PCSK2: variants seen among roughly 807,000 people sequenced by gnomAD.
PCSK2 encodes neuroendocrine convertase 2.
A neutral mutation model predicts 69.7 loss-of-function variants in PCSK2; 14 were observed. That is an observed-to-expected ratio of 0.20 (90% CI 0.13 to 0.31). PCSK2 has a LOEUF of 0.31. Among genes scored for constraint, PCSK2 ranks in the 10% least tolerant of loss-of-function variants. The probability of loss-of-function intolerance (pLI) is 1.00; values close to 1 mark genes in which losing one functional copy is unlikely to be tolerated. For synonymous variants in PCSK2, 307 were observed against 320.7 expected (o/e 0.96, Z 0.46); for missense variants, 544 against 842.5 (o/e 0.65, Z 4.39).
intron 10 of PCSK2, chr20:17,463,442 A>G (rs1216044568): frequency 1.3e-5 from 2 of 152,168 alleles, no homozygotes; most frequent in African/African-American, 4.8e-5. Flanking sequence ...CATATGTCCA[A>G]GACATGTTCT....
intron 2 of PCSK2, among the ~76,000 whole-genome samples, chr20:17,275,542 C>G (rs573472367): frequency 6.6e-6 from 1 of 152,236 alleles, no homozygotes. Flanking sequence ...CATAGAGATT[C>G]AGGCTAGAGT....
chr20:17,314,442 G>A (rs991264898), intron 2 of PCSK2, among the ~76,000 whole-genome samples: 5 of 152,218 alleles, frequency 3.3e-5, no homozygotes, highest in Admixed American at 2.6e-4. Context: ...TATCACCCAT[G>A]TAGAAACCTC....
intron 7 of PCSK2, among the ~76,000 whole-genome samples, chr20:17,434,190 GCTCTCTCTCT>G (rs112361220): frequency 5.7e-4 from 81 of 141,658 alleles, no homozygotes; most frequent in African/African-American, 2.1e-3. Flanking sequence ...CTCTATCTAC[GCTCTCTCTCT>G]CTCTCTCTCC....
intron 4 of PCSK2, among the ~76,000 whole-genome samples, chr20:17,368,421 C>G (rs560829078): frequency 1.6e-4 from 25 of 152,318 alleles, no homozygotes; most frequent in African/African-American, 6.0e-4. Context: ...TTTGACTCCA[C>G]AGACCTACGT....
At chr20:17,404,337 G>GT (rs2031707907) in intron 5 of PCSK2, among the ~76,000 whole-genome samples, 1 of 152,188 alleles carries the variant, frequency 6.6e-6, no homozygotes, top group Non-Finnish European at 1.5e-5. Flanking sequence ...CTTATGGCAA[G>GT]TAACTGCCAC....
chr20:17,302,204 A>G (rs16998917), intron 2 of PCSK2, among the ~76,000 whole-genome samples: 11,967 of 152,124 alleles, frequency 0.079, 545 homozygotes, highest in East Asian at 0.11. Flanking sequence ...AACAGGTGAT[A>G]CTAAATTTTT....
chr20:17,378,372 C>G (rs1474325715), intron 5 of PCSK2, among the ~76,000 whole-genome samples: 1 of 152,128 alleles, frequency 6.6e-6, no homozygotes, highest in African/African-American at 2.4e-5. Flanking sequence ...CACCTAGAAG[C>G]CTAGACTTAA....
intron 1 of PCSK2, among the ~76,000 whole-genome samples, chr20:17,241,793 C>T (rs899784718): frequency 2.6e-5 from 4 of 152,122 alleles, no homozygotes; most frequent in African/African-American, 4.8e-5. Flanking sequence ...GAACAAATCC[C>T]GTAACTTAGA....
At chr20:17,342,049 T>C (rs1024893901) in intron 2 of PCSK2, among the ~76,000 whole-genome samples, 4 of 152,216 alleles carry the variant, frequency 2.6e-5, no homozygotes, top group Admixed American at 6.5e-5. Context: ...TATGAAGCAC[T>C]ATCCAGTCCC....
At chr20:17,423,365 T>G (rs1188341947) in intron 6 of PCSK2, among the ~76,000 whole-genome samples, 3 of 152,184 alleles carry the variant, frequency 2.0e-5, no homozygotes, top group Admixed American at 2.0e-4. Flanking sequence ...AAGGTGTGTC[T>G]GGGTTAAGAT....
intron 2 of PCSK2, among the ~76,000 whole-genome samples, chr20:17,339,396 T>C (rs895188634): frequency 2.0e-5 from 3 of 152,184 alleles, no homozygotes; most frequent in Non-Finnish European, 1.5e-5. Context: ...AACACAAACA[T>C]TGAGCTCATG....
chr20:17,303,203 TTATAA>T (rs937021313), intron 2 of PCSK2, among the ~76,000 whole-genome samples: 3 of 143,478 alleles, frequency 2.1e-5, no homozygotes, highest in Admixed American at 7.2e-5. Flanking sequence ...ATTTATATTA[TTATAA>T]TATAACCATA....
chr20:17,455,118 G>C (rs762465795), intron 9 of PCSK2, among the ~76,000 whole-genome samples: 1 of 152,066 alleles, frequency 6.6e-6, no homozygotes, highest in African/African-American at 2.4e-5. Flanking sequence ...ACGCCTGAAA[G>C]CTCCACTCCC....
At chr20:17,401,679 AG>A (rs113033134) in intron 5 of PCSK2, among the ~76,000 whole-genome samples, 6 of 152,228 alleles carry the variant, frequency 3.9e-5, no homozygotes, top group African/African-American at 1.4e-4. Flanking sequence ...AGTGGCAGGT[AG>A]GGGTGTGCTG....
At chr20:17,472,532 T>C (rs907928889) in intron 11 of PCSK2, among the ~76,000 whole-genome samples, 3 of 152,246 alleles carry the variant, frequency 2.0e-5, no homozygotes, top group Non-Finnish European at 2.9e-5. Context: ...ATTGTTACTA[T>C]TGTGATTATT....
intron 2 of PCSK2, among the ~76,000 whole-genome samples, chr20:17,326,604 T>C (rs1356162113): frequency 6.6e-6 from 1 of 152,230 alleles, no homozygotes; most frequent in African/African-American, 2.4e-5. Context: ...AACATTTTTA[T>C]AAATCTGAAA....
intron 1 of PCSK2, among the ~76,000 whole-genome samples, chr20:17,235,226 T>C (rs957770931): frequency 5.3e-5 from 8 of 152,144 alleles, no homozygotes; most frequent in African/African-American, 1.9e-4. Flanking sequence ...TAAAACAAGT[T>C]CTTACATTGA....
intron 6 of PCSK2, among the ~76,000 whole-genome samples, chr20:17,423,157 C>T (rs894067477): frequency 2.0e-4 from 30 of 152,050 alleles, no homozygotes; most frequent in Non-Finnish European, 4.3e-4. Context: ...AACAGGTGCC[C>T]AAGGTGGTTG....
intron 2 of PCSK2, among the ~76,000 whole-genome samples, chr20:17,325,524 T>A (rs1990018765): frequency 1.3e-5 from 2 of 152,238 alleles, no homozygotes; most frequent in African/African-American, 2.4e-5. Flanking sequence ...AAAGTTTTTA[T>A]AAAGCCTTCC....
Sources: allele counts gnomAD v4.1 joint callset (sites outside exome capture counted in the v4.1 genomes callset), GRCh38; gene constraint gnomAD v4.1.1; transcripts MANE v1.5; gene names NCBI Gene and HGNC (gene_info 2026-07-23, HGNC 2026-07-21).